Variants in LINGO2 observed in about 807,000 individuals in gnomAD.
LINGO2 encodes leucine-rich repeat and immunoglobulin-like domain-containing nogo receptor-interacting protein 2.
Under a neutral mutation model 30.6 loss-of-function variants are expected in LINGO2, and 14 were observed. The observed-to-expected ratio is 0.46, with a 90% confidence interval of 0.30 to 0.72. The LOEUF (loss-of-function observed/expected upper bound fraction) is 0.72. Among genes scored for constraint, LINGO2 ranks in the 30% least tolerant of loss-of-function variants. The pLI, the probability that LINGO2 is intolerant of heterozygous loss-of-function variation, is 0.07. For synonymous variants in LINGO2, 317 were observed against 288.5 expected, an observed-to-expected ratio of 1.10 and a Z score of -1.00; for missense variants, 729 against 751.7, an observed-to-expected ratio of 0.97 and a Z score of 0.35.
chr9:29,112,869 A>C, the LINGO2 span, among the ~76,000 whole-genome samples: 25 of 152,186 alleles, frequency 1.6e-4, no homozygotes, highest in Non-Finnish European at 2.9e-5. Flanking sequence ...TTATGCTACA[A>C]TCTTTCTATG....
chr9:27,960,391 C>T (rs371012744), intron 5 of LINGO2, among the ~76,000 whole-genome samples: 6 of 152,236 alleles, frequency 3.9e-5, no homozygotes, highest in African/African-American at 1.4e-4. Flanking sequence ...TAAAACATGA[C>T]CTGAGAAGCA....
chr9:28,030,627 G>C (rs1823621233), intron 4 of LINGO2, among the ~76,000 whole-genome samples: 5 of 152,160 alleles, frequency 3.3e-5, no homozygotes, highest in Admixed American at 3.3e-4. Flanking sequence ...TCCAGGACCT[G>C]GTATCACAGC....
rs565563931 is a variant in LINGO2, at chr9:28,301,455, T to C, written c.-245-6089A>G. On this transcript the variant is annotated intron_variant, in intron 3 of 5. Coordinates refer to ENST00000379992, the Ensembl canonical transcript of LINGO2. ...CTTCTGAATTAGCTCATCAAAATTATGAGAGTGTTGTTGATAATGTGGGTT... is the reference window on the plus strand; with the variant it reads ...CTTCTGAATTAGCTCATCAAAATTACGAGAGTGTTGTTGATAATGTGGGTT... 4.6e-5 allele frequency among the ~76,000 whole-genome samples: 7 copies of C among 152,220 alleles called. No individual in the cohort carries two copies. In the South Asian group the frequency reaches 1.2e-3, roughly 27 times the overall value.
chr9:28,567,236 C>T (rs984379256), intron 1 of LINGO2, among the ~76,000 whole-genome samples: 1 of 152,020 alleles, frequency 6.6e-6, no homozygotes, highest in African/African-American at 2.4e-5. Flanking sequence ...TAGAAAATTT[C>T]TCAAAGAATT....
At chr9:29,195,064 T>C in the LINGO2 span, among the ~76,000 whole-genome samples, 1 of 135,840 alleles carries the variant, frequency 7.4e-6, no homozygotes, top group African/African-American at 2.7e-5. Flanking sequence ...CAAGCACTAA[T>C]CTTTTTTCCA....
At chr9:28,747,468 T>C in the LINGO2 span, among the ~76,000 whole-genome samples, 1 of 152,042 alleles carries the variant, frequency 6.6e-6, no homozygotes, top group African/African-American at 2.4e-5. Flanking sequence ...ACTGAGGTGA[T>C]TAACACATAA....
downstream of LINGO2, among the ~76,000 whole-genome samples, chr9:27,945,444 A>G (rs2118194821): frequency 6.6e-6 from 1 of 152,316 alleles, no homozygotes; most frequent in Middle Eastern, 3.4e-3. Context: ...CAACTTCTGA[A>G]TGTGTTTTTC....
At chr9:28,521,428 A>T (rs1820825550) in intron 1 of LINGO2, among the ~76,000 whole-genome samples, 1 of 152,150 alleles carries the variant, frequency 6.6e-6, no homozygotes, top group South Asian at 2.1e-4. Flanking sequence ...ATGAGGCCCT[A>T]TGGAAGTGGG....
At chr9:28,200,212 A>C (rs1820179188) in intron 4 of LINGO2, among the ~76,000 whole-genome samples, 1 of 152,232 alleles carries the variant, frequency 6.6e-6, no homozygotes, top group Non-Finnish European at 1.5e-5. Context: ...TTTAAACTGC[A>C]CAACAGTGAC....
At chr9:28,578,841 G>A (rs1824119909) in intron 1 of LINGO2, among the ~76,000 whole-genome samples, 1 of 152,060 alleles carries the variant, frequency 6.6e-6, no homozygotes, top group Non-Finnish European at 1.5e-5. Context: ...TAAATTCATG[G>A]TTGGTTTAAA....
At chr9:28,914,908 G>A in the LINGO2 span, among the ~76,000 whole-genome samples, 60 of 152,248 alleles carry the variant, frequency 3.9e-4, no homozygotes, top group African/African-American at 1.2e-3. Flanking sequence ...CGAGGCAGGC[G>A]GATCACAAGG....
At chr9:28,813,415 T>C in the LINGO2 span, among the ~76,000 whole-genome samples, 18 of 152,202 alleles carry the variant, frequency 1.2e-4, no homozygotes, top group Non-Finnish European at 2.4e-4. Context: ...GGTTTCTCTC[T>C]CCATAGCTTA....
chr9:29,213,048 A>C, the LINGO2 span, among the ~76,000 whole-genome samples: 1 of 151,978 alleles, frequency 6.6e-6, no homozygotes. Context: ...TTTCCAAGGG[A>C]TCAGGAGGGG....
At chr9:28,683,410 G>C in the LINGO2 span, among the ~76,000 whole-genome samples, 1 of 151,594 alleles carries the variant, frequency 6.6e-6, no homozygotes, top group Non-Finnish European at 1.5e-5. Context: ...TTCTTTCATG[G>C]GATGATCATA....
intron 1 of LINGO2, among the ~76,000 whole-genome samples, chr9:28,549,859 C>T (rs536053496): frequency 2.9e-4 from 44 of 151,430 alleles, no homozygotes; most frequent in South Asian, 2.1e-3. Context: ...TAATAGTTCT[C>T]GAAAATATCA....
At chr9:28,546,279 G>C (rs561886942) in intron 1 of LINGO2, among the ~76,000 whole-genome samples, 23 of 152,070 alleles carry the variant, frequency 1.5e-4, no homozygotes, top group African/African-American at 5.5e-4. Flanking sequence ...TATAGCAAAA[G>C]GCAGGTTAAT....
In LINGO2 at chr9:28,632,952, C is replaced by A. The variant is rs921570180; in HGVS notation, c.-365+37248G>T. Among the ~76,000 whole-genome samples the A allele has an allele frequency of 7.5e-5, 11 of 145,746 alleles. No homozygotes were observed. In the South Asian group the frequency reaches 1.9e-3, roughly 26 times the overall value. On this transcript the variant is annotated intron_variant, in intron 1 of 5. Coordinates refer to ENST00000379992, the Ensembl canonical transcript of LINGO2. ...ATTAACTTATATGCTCACAAGGTCC[C>A]AAAATAGGTTGTCTGCAAGCTGAGG... is the stretch of plus-strand genomic sequence containing the variant.
At chr9:28,770,210 T>C in the LINGO2 span, among the ~76,000 whole-genome samples, 2 of 152,198 alleles carry the variant, frequency 1.3e-5, no homozygotes, top group African/African-American at 4.8e-5. Flanking sequence ...TCCCTTTAGA[T>C]CTTCTTACTG....
At chr9:27,954,545 T>C (rs1039201543) in intron 5 of LINGO2, among the ~76,000 whole-genome samples, 16 of 152,224 alleles carry the variant, frequency 1.1e-4, no homozygotes, top group Non-Finnish European at 1.6e-4. Flanking sequence ...TTTGGTAGAA[T>C]AGTATTTCAT....
Sources: gnomAD v4.1 joint callset for allele counts (sites outside exome capture counted in the v4.1 genomes callset) on GRCh38, gnomAD v4.1.1 for gene constraint, MANE v1.5 for transcripts, NCBI Gene and HGNC (gene_info 2026-07-23, HGNC 2026-07-21) for gene names.